Variants in GNPTAB observed in about 807,000 individuals in gnomAD.
GNPTAB encodes N-acetylglucosamine-1-phosphate transferase subunits alpha and beta.
Under a neutral mutation model 136.6 loss-of-function variants are expected in GNPTAB, and 92 were observed. The observed-to-expected ratio is 0.67, with a 90% CI of 0.57 to 0.80. The LOEUF is 0.80. Among genes scored for constraint, GNPTAB ranks in the 30% least tolerant of loss-of-function variants. The pLI is 0.00. For synonymous variants in GNPTAB, 512 were observed against 535.1 expected, an observed-to-expected ratio of 0.96 and a Z score of 0.60; for missense variants, 1,343 against 1,501.8, an observed-to-expected ratio of 0.89 and a Z score of 1.75.
At chr12:101,766,327 T>C in intron 11 of GNPTAB, 33 bp from the exon 12 acceptor site, 1 of 1,580,296 alleles carries the variant, frequency 6.3e-7, no homozygotes, top group Non-Finnish European at 8.7e-7. Context: ...GGATTCTTGC[T>C]GTAATTACAA....
At chr12:101,811,377 T>G (rs1033897924) in intron 1 of GNPTAB, among the ~76,000 whole-genome samples, 1 of 87,218 alleles carries the variant, frequency 1.1e-5, no homozygotes, top group East Asian at 7.4e-4. Flanking sequence ...TTTCACATAA[T>G]TTTTTCTTTT....
chr12:101,758,470 C>T (rs771517797), intron 16 of GNPTAB, among the ~76,000 whole-genome samples: 38 of 152,238 alleles, frequency 2.5e-4, no homozygotes, highest in Non-Finnish European at 4.0e-4. Flanking sequence ...CCACCGTGCC[C>T]AGCCCTAGTC....
At position 101,761,354 on chromosome 12, in the gene GNPTAB, A is replaced by C. The variant is rs1485359429; in HGVS notation, c.2916-8T>G. 6.2e-7 allele frequency: 1 copy of C among 1,610,448 alleles called. No homozygotes were observed. Among genetic ancestry groups the C allele is most frequent in the Non-Finnish European group, 8.5e-7 (1 of 1,177,824 alleles). ...TCAAATTCTTCAGGGAACCTGTCCAAATATAACATATTACAAACTCTGGAT... is the reference window on the plus strand; with the variant it reads ...TCAAATTCTTCAGGGAACCTGTCCACATATAACATATTACAAACTCTGGAT... On this transcript the variant is annotated splice_polypyrimidine_tract_variant and splice_region_variant and intron_variant, in intron 14 of 20. Coordinates refer to ENST00000299314, the MANE Select transcript of GNPTAB (RefSeq NM_024312.5).
intron 3 of GNPTAB, 95 bp from the exon 4 acceptor site, chr12:101,788,684 T>A (rs1868812849): frequency 1.3e-6 from 1 of 741,536 alleles, no homozygotes; most frequent in African/African-American, 1.7e-5. Context: ...AACTTTCATA[T>A]TTTATTAGTA....
rs147349522 is a variant in GNPTAB at position 101,778,756 on chromosome 12, A to C, written c.771+1396T>G. On this transcript the variant is annotated intron_variant, in intron 7 of 20. Transcript: ENST00000299314. ...ACCCCCTCTCTACTTAAAATACAAA[A>C]ATTAGCCAGGCATGGTGGCGCATGC... 2.0e-5 allele frequency: 3 copies of C among 152,198 alleles called. No homozygotes were observed. In the East Asian group the frequency reaches 5.8e-4, roughly 30 times the overall value. The allele number at this position is 152,198 out of a possible 1,614,324, so 9.4% of individuals were successfully genotyped here. A position where few individuals can be genotyped will look rare whatever the true frequency, so the allele number is the denominator to read the frequency against.
At chr12:101,764,132 A>G in intron 13 of GNPTAB, 70 bp downstream of exon 13, 1 of 1,599,994 alleles carries the variant, frequency 6.3e-7, no homozygotes, top group Non-Finnish European at 8.6e-7. Flanking sequence ...AATGGTAGCT[A>G]TAATGATATT....
At chr12:101,762,116 G>A (rs1351675003) in intron 13 of GNPTAB, among the ~76,000 whole-genome samples, 4 of 152,196 alleles carry the variant, frequency 2.6e-5, no homozygotes, top group Admixed American at 6.5e-5. Flanking sequence ...ACATTTGATA[G>A]TACTTTCAAT....
At chr12:101,778,185 C>G (rs929274591) in intron 7 of GNPTAB, 1 of 152,266 alleles carries the variant, frequency 6.6e-6, no homozygotes, top group East Asian at 1.9e-4. Flanking sequence ...ACACACCCAT[C>G]CACCAGTAGA....
chr12:101,769,737 C>T (rs1025245915), intron 10 of GNPTAB, among the ~76,000 whole-genome samples: 5 of 151,858 alleles, frequency 3.3e-5, no homozygotes, highest in East Asian at 1.9e-4. Flanking sequence ...ACTCCCCCCA[C>T]GGCCCCCCAA....
At chr12:101,787,319 T>C (rs1281695669) in intron 4 of GNPTAB, among the ~76,000 whole-genome samples, 1 of 152,118 alleles carries the variant, frequency 6.6e-6, no homozygotes, top group Middle Eastern at 3.2e-3. Context: ...ATATGAAGCA[T>C]GAAGATAATG....
At chr12:101,762,586 A>G (rs958289993) in intron 13 of GNPTAB, among the ~76,000 whole-genome samples, 17 of 152,238 alleles carry the variant, frequency 1.1e-4, no homozygotes, top group Non-Finnish European at 2.2e-4. Context: ...GCAGCCATTA[A>G]AAAGAATAAT....
At chr12:101,777,554 G>A (rs1953278011) in intron 7 of GNPTAB, among the ~76,000 whole-genome samples, 1 of 152,122 alleles carries the variant, frequency 6.6e-6, no homozygotes, top group Admixed American at 6.5e-5. Context: ...CTGGGAGAAT[G>A]GCTGCTCTGT....
At chr12:101,748,224 GA>G (rs1952764992) in intron 20 of GNPTAB, among the ~76,000 whole-genome samples, 1 of 152,206 alleles carries the variant, frequency 6.6e-6, no homozygotes, top group South Asian at 2.1e-4. Context: ...TCTGTTTCCT[GA>G]ATTTCCTTCC....
intron 5 of GNPTAB, among the ~76,000 whole-genome samples, chr12:101,781,502 C>T (rs752642473): frequency 2.0e-5 from 3 of 151,966 alleles, no homozygotes; most frequent in East Asian, 3.9e-4. Context: ...CCTGTCTCTA[C>T]AAAAAACAAA....
chr12:101,781,754 T>C (rs958335052), intron 5 of GNPTAB, among the ~76,000 whole-genome samples: 3 of 152,216 alleles, frequency 2.0e-5, no homozygotes, highest in African/African-American at 7.2e-5. Context: ...ACTGTTTATC[T>C]TTAAAGGAAG....
chr12:101,760,603 A>G (rs749488661), intron 15 of GNPTAB, among the ~76,000 whole-genome samples: 2 of 152,144 alleles, frequency 1.3e-5, no homozygotes, highest in Non-Finnish European at 2.9e-5. Flanking sequence ...ATCAATCCCT[A>G]CTGAAAACCT....
At chr12:101,797,482 G>T (rs1005609082) in intron 1 of GNPTAB, among the ~76,000 whole-genome samples, 2 of 152,062 alleles carry the variant, frequency 1.3e-5, no homozygotes, top group African/African-American at 4.8e-5. Context: ...AAAATTAGCT[G>T]GGCATGGCGG....
intron 2 of GNPTAB, among the ~76,000 whole-genome samples, chr12:101,792,683 G>A (rs1449286261): frequency 6.6e-6 from 1 of 151,838 alleles, no homozygotes; most frequent in African/African-American, 2.4e-5. Context: ...AGCTTCATAT[G>A]CAGCTTCCAC....
chr12:101,759,232 GGGCGCCTGTAGTCCCA>G (rs1952952322), intron 16 of GNPTAB, among the ~76,000 whole-genome samples: 2 of 151,828 alleles, frequency 1.3e-5, no homozygotes, highest in Middle Eastern at 6.8e-3. Context: ...GCGTGGTGGC[GGGCGCCTGTAGTCCCA>G]GCTACTCAGG....
Sources: gnomAD v4.1 joint callset for allele counts (sites outside exome capture counted in the v4.1 genomes callset) on GRCh38, gnomAD v4.1.1 for gene constraint, MANE v1.5 for transcripts, NCBI Gene and HGNC (gene_info 2026-07-23, HGNC 2026-07-21) for gene names.